SNTB1: variants seen among roughly 807,000 people sequenced by gnomAD.
SNTB1 encodes beta-1-syntrophin.
Under a neutral mutation model 48.9 loss-of-function variants are expected in SNTB1, and 36 were observed. The ratio of observed to expected loss-of-function variants is 0.74; its 90% CI spans 0.56 to 0.97. The LOEUF is 0.97. Ranked by LOEUF, SNTB1 falls within the 50% of genes least tolerant of loss-of-function variation. The pLI, the probability that SNTB1 is intolerant of heterozygous loss-of-function variation, is 0.00. For missense variants in SNTB1, 786 were observed against 703.4 expected (o/e 1.12, Z -1.33); for synonymous variants, 299 against 294.6 (o/e 1.01, Z -0.15).
rs1462079293 is a variant in SNTB1, at chr8:120,541,993, G to A, written c.1341C>T (p.Thr447=). The A allele has an allele frequency of 6.2e-7, 1 of 1,612,850 alleles. No individual in the cohort carries two copies. The highest frequency in any genetic ancestry group is 2.2e-5 in the East Asian group (1 of 44,816). The change falls in exon 6 of 7, where the codon ACC becomes ACT. Residue 447 remains threonine, a synonymous_variant. Coordinates refer to ENST00000517992, the MANE Select transcript of SNTB1 (RefSeq NM_021021.4). ...ELIAEISTAC[T]YKNQECRLTI... ...TCAAACGGCACTCCTGGTTTTTGTA[G>A]GTGCAAGCTGAGAGAGAAAGAGAGA...
Position 120,632,592 on chromosome 8 carries a change from G to A in SNTB1, c.848C>T (p.Ser283Leu), listed in dbSNP as rs1587047273. 1 of 1,614,170 alleles carries A rather than the reference G, an allele frequency of 6.2e-7. No individual in the cohort carries two copies. The highest frequency in any genetic ancestry group is 8.5e-7 in the Non-Finnish European group (1 of 1,180,042). Residue 283 changes from serine (S) to leucine (L), a missense_variant, in exon 3 of 7, where the codon TCA becomes TTA. Physicochemically the swap from Ser to Leu is moderately radical, Grantham distance 145. Transcript: ENST00000517992. ...KHTVILRSKD[S>L]ATAQAWFSAI... ...ACTGAACCATGCCTGGGCCGTGGCT[G>A]AGTCCTTGCTCCTTAGGATCACCGT...
At chr8:120,547,221 C>T (rs939938329) in intron 5 of SNTB1, among the ~76,000 whole-genome samples, 2 of 152,144 alleles carry the variant, frequency 1.3e-5, no homozygotes, top group Admixed American at 6.5e-5. Flanking sequence ...TATTTACACC[C>T]ATTATTCTAT....
rs1815213844 is a variant in SNTB1 at position 120,537,073 on chromosome 8, C to T, written c.*1804G>A. ...CTATGGTATTCAAACTGGGACTTGA[C>T]TTTTCAGCATTTGAAAATAGAAATA... On this transcript the variant is annotated 3_prime_UTR_variant, in exon 7 of 7. Transcript: ENST00000517992. 1 of 151,472 alleles carries T rather than the reference C, an allele frequency of 6.6e-6. No homozygotes were observed. Among genetic ancestry groups the T allele is most frequent in the Admixed American group, 6.6e-5 (1 of 15,196 alleles). 9.4% of individuals were successfully genotyped at this position (151,472 alleles called of 1,614,324 possible).
chr8:120,571,652 C>G (rs1815855119), intron 4 of SNTB1, among the ~76,000 whole-genome samples: 1 of 151,854 alleles, frequency 6.6e-6, no homozygotes, highest in East Asian at 1.9e-4. Flanking sequence ...TTGTGTGCCA[C>G]CACACCAGGC....
At chr8:120,694,941 G>A (rs1818187821) in intron 1 of SNTB1, among the ~76,000 whole-genome samples, 3 of 152,054 alleles carry the variant, frequency 2.0e-5, no homozygotes, top group South Asian at 4.1e-4. Flanking sequence ...AATAGCTTAA[G>A]AGCCCAGTGA....
At chr8:120,799,466 T>C (rs1820178662) in intron 1 of SNTB1, among the ~76,000 whole-genome samples, 1 of 151,654 alleles carries the variant, frequency 6.6e-6, no homozygotes, top group Admixed American at 6.6e-5. Flanking sequence ...AAGAGGATGC[T>C]ATATAAAAAA....
chr8:120,578,967 G>T (rs1815994858), intron 3 of SNTB1, among the ~76,000 whole-genome samples: 1 of 152,056 alleles, frequency 6.6e-6, no homozygotes, highest in African/African-American at 2.4e-5. Context: ...ACCTGAGGTT[G>T]GGAGTTTGAG....
intron 3 of SNTB1, among the ~76,000 whole-genome samples, chr8:120,610,325 C>CG (rs1563830864): frequency 1.3e-5 from 2 of 152,036 alleles, no homozygotes; most frequent in Admixed American, 1.3e-4. Flanking sequence ...TTAGAAGAGA[C>CG]GGGGTTTCAC....
chr8:120,769,373 C>T (rs973979111), intron 1 of SNTB1: 1 of 152,148 alleles, frequency 6.6e-6, no homozygotes, highest in African/African-American at 2.4e-5. Context: ...GACACTCCTC[C>T]TATTGACAAG....
intron 2 of SNTB1, chr8:120,637,909 T>C: frequency 4.4e-6 from 1 of 226,378 alleles, no homozygotes; most frequent in Non-Finnish European, 9.7e-6. Flanking sequence ...TAAGGTAATG[T>C]AATTTTCTAA....
At chr8:120,808,092 TTTAGTCA>T (rs1292565384) in intron 1 of SNTB1, among the ~76,000 whole-genome samples, 1 of 152,040 alleles carries the variant, frequency 6.6e-6, no homozygotes, top group East Asian at 1.9e-4. Context: ...TTTTTGTATT[TTTAGTCA>T]AGACAGGGTT....
chr8:120,588,550 A>C (rs1448498135), intron 3 of SNTB1, among the ~76,000 whole-genome samples: 1 of 151,110 alleles, frequency 6.6e-6, no homozygotes, highest in East Asian at 1.9e-4. Flanking sequence ...TTTTCCTCTG[A>C]CTTCCTGGCA....
At chr8:120,605,395 T>C (rs139667295) in intron 3 of SNTB1, among the ~76,000 whole-genome samples, 1 of 152,360 alleles carries the variant, frequency 6.6e-6, no homozygotes, top group African/African-American at 2.4e-5. Context: ...GGCTAACAGC[T>C]GGGAATCTGT....
intron 5 of SNTB1, chr8:120,542,229 T>G: frequency 2.2e-6 from 1 of 464,544 alleles, no homozygotes; most frequent in Non-Finnish European, 3.8e-6. Flanking sequence ...AAATTCCTTT[T>G]TCTAGGATCT....
Position 120,811,592 on chromosome 8 carries a change from G to C in SNTB1, c.252C>G (p.Pro84=), listed in dbSNP as rs769685818. 1 of 1,567,530 alleles carries C rather than the reference G, an allele frequency of 6.4e-7. No individual in the cohort carries two copies. Among genetic ancestry groups the C allele is most frequent in the Admixed American group, 1.9e-5 (1 of 52,172 alleles). Residue 84 remains proline, a synonymous_variant, in exon 1 of 7, where the codon CCC becomes CCG. Transcript: ENST00000517992. ...AGHPGAGGAQ[P]PDSPAGVRTA... ...TGCGGACCCCGGCGGGCGAGTCCGG[G>C]GGCTGCGCGCCGCCCGCGCCCGGGT...
At chr8:120,738,584 C>T (rs1360324373) in intron 1 of SNTB1, among the ~76,000 whole-genome samples, 9 of 149,812 alleles carry the variant, frequency 6.0e-5, no homozygotes, top group Admixed American at 6.8e-5. Flanking sequence ...TTCCTTCCTT[C>T]CTTCTTAGTG....
intron 3 of SNTB1, among the ~76,000 whole-genome samples, chr8:120,608,383 T>G (rs1478387987): frequency 1.3e-5 from 2 of 152,146 alleles, no homozygotes; most frequent in African/African-American, 2.4e-5. Context: ...CACAGGGTCT[T>G]CAAAGAGGTA....
intron 2 of SNTB1, among the ~76,000 whole-genome samples, chr8:120,636,234 CT>C (rs1048839494): frequency 1.3e-3 from 203 of 150,982 alleles, no homozygotes; most frequent in African/African-American, 4.6e-3. Context: ...TCTTCTTCTT[CT>C]TTTTTTTTAT....
At chr8:120,788,975 G>A (rs1359184665) in intron 1 of SNTB1, among the ~76,000 whole-genome samples, 4 of 151,936 alleles carry the variant, frequency 2.6e-5, no homozygotes, top group Admixed American at 2.6e-4. Context: ...TTCTCCAAGA[G>A]AGACTATATG....
Sources: gnomAD v4.1 joint callset for allele counts (sites outside exome capture counted in the v4.1 genomes callset) on GRCh38, gnomAD v4.1.1 for gene constraint, MANE v1.5 for transcripts, NCBI Gene and HGNC (gene_info 2026-07-23, HGNC 2026-07-21) for gene names.